MARCHF1: variants seen among roughly 807,000 people sequenced by gnomAD.
MARCHF1 encodes the protein membrane associated ring-CH-type finger 1.
A neutral mutation model predicts 54.2 loss-of-function variants in MARCHF1; 40 were observed. The ratio of observed to expected loss-of-function variants is 0.74; its 90% CI spans 0.57 to 0.96. The LOEUF is 0.96. Among genes scored for constraint, MARCHF1 ranks in the 40% least tolerant of loss-of-function variants. MARCHF1 has a pLI of 0.00. For missense variants in MARCHF1, 586 were observed against 656.5 expected (o/e 0.89, Z 1.17); for synonymous variants, 236 against 236.3 (o/e 1.00, Z 0.01).
intron 5 of MARCHF1, among the ~76,000 whole-genome samples, chr4:163,691,887 C>T (rs1004465155): frequency 1.3e-5 from 2 of 152,156 alleles, no homozygotes; most frequent in African/African-American, 4.8e-5. Flanking sequence ...TGGAGAATCA[C>T]CTTTGGCCTA....
intron 4 of MARCHF1, among the ~76,000 whole-genome samples, chr4:163,704,606 T>A (rs538300531): frequency 6.6e-6 from 1 of 151,814 alleles, no homozygotes; most frequent in East Asian, 1.9e-4. Context: ...CTCGTAAGTC[T>A]TAATCGCCTG....
At chr4:163,887,265 G>A (rs978362404) in intron 3 of MARCHF1, among the ~76,000 whole-genome samples, 1 of 151,924 alleles carries the variant, frequency 6.6e-6, no homozygotes, top group Non-Finnish European at 1.5e-5. Flanking sequence ...TTTTAGATGA[G>A]ATCAAAAAGG....
chr4:163,749,185 C>T (rs112895187), intron 4 of MARCHF1, among the ~76,000 whole-genome samples: 2 of 151,612 alleles, frequency 1.3e-5, no homozygotes, highest in South Asian at 2.1e-4. Context: ...ATTGATTTCA[C>T]GATTTCATTT....
intron 1 of MARCHF1, chr4:164,189,155 A>G (rs1268609726): frequency 5.1e-6 from 3 of 592,664 alleles, no homozygotes; most frequent in South Asian, 3.7e-5. Flanking sequence ...GACTATGACT[A>G]GCGTGTCATG....
intron 3 of MARCHF1, among the ~76,000 whole-genome samples, chr4:163,971,390 T>G (rs1330424240): frequency 2.0e-5 from 3 of 152,148 alleles, no homozygotes; most frequent in Non-Finnish European, 4.4e-5. Flanking sequence ...TGAAGAACAG[T>G]CCATGGTTAT....
chr4:164,126,737 T>C (rs567189600), intron 1 of MARCHF1, among the ~76,000 whole-genome samples: 5 of 152,238 alleles, frequency 3.3e-5, no homozygotes, highest in African/African-American at 1.2e-4. Context: ...GAAATGTGGA[T>C]GGTAAATGCC....
At chr4:163,777,281 A>G (rs1747334155) in intron 4 of MARCHF1, among the ~76,000 whole-genome samples, 1 of 152,188 alleles carries the variant, frequency 6.6e-6, no homozygotes, top group Non-Finnish European at 1.5e-5. Flanking sequence ...CTATTTTGCT[A>G]ATGATGGACC....
chr4:164,028,775 C>A (rs1579472956), intron 2 of MARCHF1, among the ~76,000 whole-genome samples: 1 of 152,168 alleles, frequency 6.6e-6, no homozygotes, highest in Non-Finnish European at 1.5e-5. Flanking sequence ...ATACTGGCTA[C>A]ATTTCAAGTA....
chr4:163,563,238 T>C (rs1185325663), intron 8 of MARCHF1, among the ~76,000 whole-genome samples: 4 of 152,244 alleles, frequency 2.6e-5, no homozygotes, highest in African/African-American at 7.2e-5. Context: ...TTTACATTAT[T>C]AACTTAATTC....
chr4:163,535,753 C>CTTTTTTTTTTTTTTT, intron 9 of MARCHF1, among the ~76,000 whole-genome samples: 1 of 144,162 alleles, frequency 6.9e-6, no homozygotes, highest in Admixed American at 6.9e-5. Flanking sequence ...TATAGAAGGG[C>CTTTTTTTTTTTTTTT]TTTTTTTTTT....
intron 3 of MARCHF1, among the ~76,000 whole-genome samples, chr4:163,945,956 T>C (rs968452211): frequency 1.3e-5 from 2 of 151,782 alleles, no homozygotes; most frequent in African/African-American, 2.4e-5. Context: ...GTCTCTGTTA[T>C]GGTAAATATC....
At chr4:164,100,920 C>A (rs1022268396) in intron 2 of MARCHF1, among the ~76,000 whole-genome samples, 1 of 152,026 alleles carries the variant, frequency 6.6e-6, no homozygotes, top group Admixed American at 6.5e-5. Flanking sequence ...GTGCGCGAGC[C>A]GAAGTAGGGC....
rs1230416803 is a variant in MARCHF1 at position 163,685,746 on chromosome 4, ACCCGGCCAATT to A, written c.162+15056_162+15066del. ...TGGGATTACAGGAGTGAGCCACCAC[ACCCGGCCAATT>A]CTCCAATTATTTTTGAAATCACTCC... On this transcript the variant is annotated intron_variant, in intron 5 of 9. Coordinates refer to ENST00000514618, the MANE Select transcript of MARCHF1 (RefSeq NM_001394959.1). 3.3e-5 allele frequency among the ~76,000 whole-genome samples: 5 copies of A among 152,164 alleles called. No homozygotes were observed. In the East Asian group the frequency reaches 9.7e-4, roughly 29 times the overall value.
At chr4:163,616,351 A>G (rs890839259) in intron 5 of MARCHF1, among the ~76,000 whole-genome samples, 11 of 152,162 alleles carry the variant, frequency 7.2e-5, no homozygotes, top group African/African-American at 2.7e-4. Context: ...TGCAAACCAT[A>G]CATCCAATGA....
intron 4 of MARCHF1, among the ~76,000 whole-genome samples, chr4:163,716,913 C>T (rs1252263111): frequency 6.6e-6 from 1 of 152,036 alleles, no homozygotes. Context: ...GTTAATAATA[C>T]ATATTAATTT....
intron 1 of MARCHF1, among the ~76,000 whole-genome samples, chr4:164,130,603 C>T (rs976653257): frequency 6.6e-6 from 1 of 152,130 alleles, no homozygotes. Flanking sequence ...TTGTCCTTAA[C>T]AAAGAGTTTT....
intron 2 of MARCHF1, among the ~76,000 whole-genome samples, chr4:164,078,460 G>A (rs1755024577): frequency 6.6e-6 from 1 of 151,998 alleles, no homozygotes; most frequent in South Asian, 2.1e-4. Context: ...AAACCACCAT[G>A]GCACATGTAT....
At chr4:164,258,696 G>T (rs1366875127) in intron 1 of MARCHF1, among the ~76,000 whole-genome samples, 1 of 151,910 alleles carries the variant, frequency 6.6e-6, no homozygotes, top group Non-Finnish European at 1.5e-5. Context: ...TCCATTTTGG[G>T]TATCAAAATA....
Position 163,819,793 on chromosome 4 carries a change from A to G in MARCHF1, c.111+34228T>C, listed in dbSNP as rs142483582. On this transcript the variant is annotated intron_variant, in intron 4 of 9. Transcript: ENST00000514618. Reference sequence around the variant, plus strand: ...ACCTACACTTTCTGTCATCTCTTCTACTACAATAAAGAGGTTGTCCCATGC... The same window carrying G: ...ACCTACACTTTCTGTCATCTCTTCTGCTACAATAAAGAGGTTGTCCCATGC... Among the ~76,000 whole-genome samples the G allele has an allele frequency of 4.8e-3, 736 of 152,200 alleles. 2 individuals are homozygous for G. Among genetic ancestry groups the G allele is most frequent in the Middle Eastern group, 0.017 (5 of 294 alleles).
Sources: allele counts gnomAD v4.1 joint callset (sites outside exome capture counted in the v4.1 genomes callset), GRCh38; gene constraint gnomAD v4.1.1; transcripts MANE v1.5; gene names NCBI Gene and HGNC (gene_info 2026-07-23, HGNC 2026-07-21).